The following LRP12 variants were observed in gnomAD, a reference collection of about 807,000 sequenced individuals.
The protein encoded by LRP12 is low-density lipoprotein receptor-related protein 12.
Under a neutral mutation model 66.0 loss-of-function variants are expected in LRP12, and 14 were observed. That is an observed-to-expected ratio of 0.21 (90% CI 0.14 to 0.33). LRP12 has a LOEUF of 0.33. Ranked by LOEUF, LRP12 falls within the 10% of genes least tolerant of loss-of-function variation. The pLI is 1.00. For missense variants in LRP12, 889 were observed against 1,053.4 expected (o/e 0.84, Z 2.16); for synonymous variants, 357 against 359.1 (o/e 0.99, Z 0.07).
Position 104,551,287 on chromosome 8 carries a change from A to G in LRP12, c.80-19324T>C, listed in dbSNP as rs575594832. Among the ~76,000 whole-genome samples, 27 of 152,344 alleles carry G rather than the reference A, an allele frequency of 1.8e-4. 1 individual carries two copies. Among genetic ancestry groups the G allele is most frequent in the African/African-American group, 6.3e-4 (26 of 41,576 alleles). On this transcript the variant is annotated intron_variant, in intron 1 of 6. Transcript: ENST00000276654. The stretch of plus-strand genomic sequence containing the variant: ...GTTAGGGGTCCTCCTTGATGCTCAC[A>G]TAGTACATTGTATTAGTACGTATTG...
At chr8:104,548,571 TTC>T (rs908414723) in intron 1 of LRP12, among the ~76,000 whole-genome samples, 7 of 107,420 alleles carry the variant, frequency 6.5e-5, no homozygotes, top group African/African-American at 1.4e-4. Flanking sequence ...AGAATTATAA[TTC>T]TATATTATAT....
At chr8:104,544,707 A>G (rs1304853768) in intron 1 of LRP12, among the ~76,000 whole-genome samples, 3 of 152,150 alleles carry the variant, frequency 2.0e-5, no homozygotes, top group African/African-American at 7.2e-5. Context: ...GAATATTTTA[A>G]GCCCACTCTT....
chr8:104,508,757 A>G, intron 3 of LRP12, 182 bp downstream of exon 3: 1 of 523,384 alleles, frequency 1.9e-6, no homozygotes, highest in East Asian at 2.9e-5. Flanking sequence ...AAAATACTCA[A>G]AACACATACC....
Position 104,491,210 on chromosome 8 carries a change from G to A in LRP12, c.2043C>T (p.Pro681=). 2 of 1,614,038 alleles carry A rather than the reference G, an allele frequency of 1.2e-6. No individual in the cohort carries two copies. The highest frequency in any genetic ancestry group is 1.7e-6 in the Non-Finnish European group (2 of 1,180,008). The change falls in exon 7 of 7, where the codon CCC becomes CCT. Residue 681 remains proline (P), a synonymous_variant. Coordinates refer to ENST00000276654, the MANE Select transcript of LRP12 (RefSeq NM_013437.5). ...CTACTGTCGCTTCTACTGCCGTTGTGGGAGGGACTTTTTGAGGCAAAGGAG... is the reference window on the plus strand; with the variant it reads ...CTACTGTCGCTTCTACTGCCGTTGTAGGAGGGACTTTTTGAGGCAAAGGAG... ...VAAPLPQKVP[P]TTAVEATVGA... is the part of the protein sequence containing the mutation.
chr8:104,561,162 T>A (rs963889040), intron 1 of LRP12, among the ~76,000 whole-genome samples: 3 of 152,188 alleles, frequency 2.0e-5, no homozygotes, highest in Non-Finnish European at 2.9e-5. Flanking sequence ...ACAACGTTAT[T>A]TGAAAACAGT....
chr8:104,544,083 T>C (rs73295152), intron 1 of LRP12, among the ~76,000 whole-genome samples: 1,835 of 152,174 alleles, frequency 0.012, 34 homozygotes, highest in African/African-American at 0.041. Context: ...AAAACACAAA[T>C]GATAAGAAAG....
At chr8:104,580,095 G>C (rs1391806960) in intron 1 of LRP12, among the ~76,000 whole-genome samples, 1 of 152,148 alleles carries the variant, frequency 6.6e-6, no homozygotes, top group East Asian at 1.9e-4. Context: ...TAATTAAACT[G>C]ACGAGCTTCT....
In LRP12 at chr8:104,549,732, A is replaced by G. The variant is rs142018262; in HGVS notation, c.80-17769T>C. Among the ~76,000 whole-genome samples, 15 of 152,272 alleles carry G rather than the reference A, an allele frequency of 9.9e-5. No individual in the cohort carries two copies. In the East Asian group the frequency reaches 2.1e-3, roughly 22 times the overall value. On this transcript the variant is annotated intron_variant, in intron 1 of 6. Transcript: ENST00000276654. The stretch of plus-strand genomic sequence containing the variant: ...TTTTCTTAAAGTTGGAGAAAACCAT[A>G]TAACTACAAAGAACAGTATCACTGT...
intron 3 of LRP12, chr8:104,508,107 G>C (rs1447588904): frequency 6.6e-6 from 1 of 152,130 alleles, no homozygotes; most frequent in Non-Finnish European, 1.5e-5. Flanking sequence ...CTGTCTCTGT[G>C]ATGGAAATGA....
chr8:104,540,085 T>C (rs901043407), intron 1 of LRP12, among the ~76,000 whole-genome samples: 1 of 152,074 alleles, frequency 6.6e-6, no homozygotes, highest in Non-Finnish European at 1.5e-5. Flanking sequence ...TTTGGTCCTC[T>C]GCTAAATAAG....
At chr8:104,494,694 T>G (rs1810694629) in intron 6 of LRP12, among the ~76,000 whole-genome samples, 1 of 152,182 alleles carries the variant, frequency 6.6e-6, no homozygotes, top group African/African-American at 2.4e-5. Flanking sequence ...TAACTTCATT[T>G]TAATTACTTT....
intron 2 of LRP12, among the ~76,000 whole-genome samples, chr8:104,512,143 C>T (rs1381696110): frequency 1.3e-5 from 2 of 152,020 alleles, no homozygotes; most frequent in East Asian, 3.9e-4. Context: ...ATGGTGAAAC[C>T]CCATCTCTAC....
At chr8:104,546,924 A>T (rs971039185) in intron 1 of LRP12, among the ~76,000 whole-genome samples, 1 of 142,882 alleles carries the variant, frequency 7.0e-6, no homozygotes, top group South Asian at 2.1e-4. Context: ...AATTATATAT[A>T]ATTATATATT....
rs917097042 is a variant in LRP12, at chr8:104,490,637, C to G, written c.*36G>C. The stretch of plus-strand genomic sequence containing the variant: ...TACAAAATAATAAATGGATATTGCT[C>G]CAACTTGTATACAATCTCCCTTATG... On this transcript the variant is annotated 3_prime_UTR_variant, in exon 7 of 7. Coordinates refer to ENST00000276654, the MANE Select transcript of LRP12 (RefSeq NM_013437.5). The G allele has an allele frequency of 5.8e-6, 9 of 1,538,768 alleles. No homozygotes were observed. The highest frequency in any genetic ancestry group is 7.9e-6 in the Non-Finnish European group (9 of 1,146,158).
At chr8:104,568,245 C>T (rs1490927333) in intron 1 of LRP12, among the ~76,000 whole-genome samples, 2 of 152,106 alleles carry the variant, frequency 1.3e-5, no homozygotes, top group African/African-American at 4.8e-5. Context: ...TGACCCCTAC[C>T]TCACATCATA....
rs538386499 is a variant in LRP12, at chr8:104,583,408, C to T, written c.79+5411G>A. Among the ~76,000 whole-genome samples the T allele has an allele frequency of 1.2e-4, 19 of 152,236 alleles. No homozygotes were observed. The East Asian group carries it at 3.3e-3, about 26-fold the overall frequency. On this transcript the variant is annotated intron_variant, in intron 1 of 6. Transcript: ENST00000276654. ...TCATGCATTGTTCTCATATGTAAAG[C>T]TTTCTTACCCAACCATAACACAGTT...
At chr8:104,586,009 G>C (rs1395421139) in intron 1 of LRP12, among the ~76,000 whole-genome samples, 4 of 152,320 alleles carry the variant, frequency 2.6e-5, no homozygotes, top group Middle Eastern at 3.4e-3. Flanking sequence ...AGCAAAGCTT[G>C]TGGTTGTCAC....
At chr8:104,547,259 A>G (rs1248234448) in intron 1 of LRP12, among the ~76,000 whole-genome samples, 2 of 137,100 alleles carry the variant, frequency 1.5e-5, no homozygotes, top group Admixed American at 1.6e-4. Context: ...CTGTTATATC[A>G]TATTTTGTAC....
At chr8:104,543,934 A>AACAAT (rs1387063571) in intron 1 of LRP12, among the ~76,000 whole-genome samples, 1 of 152,164 alleles carries the variant, frequency 6.6e-6, no homozygotes, top group East Asian at 1.9e-4. Context: ...AACAAAACAA[A>AACAAT]ACAACAACAA....
Sources: allele counts gnomAD v4.1 joint callset (sites outside exome capture counted in the v4.1 genomes callset), GRCh38; gene constraint gnomAD v4.1.1; transcripts MANE v1.5; gene names NCBI Gene and HGNC (gene_info 2026-07-23, HGNC 2026-07-21).